Variants in CTNNA2 observed in about 807,000 individuals in gnomAD.
CTNNA2 encodes catenin alpha 2.
In CTNNA2, 42 loss-of-function variants were observed where a neutral mutation model predicts 101.0. That is an observed-to-expected ratio of 0.42 (90% CI 0.32 to 0.54). The LOEUF (loss-of-function observed/expected upper bound fraction) is 0.54. Ranked by LOEUF, CTNNA2 falls within the 20% of genes least tolerant of loss-of-function variation. CTNNA2 has a pLI of 0.14. For missense variants in CTNNA2, 871 were observed against 1,223.1 expected (o/e 0.71, Z 4.29); for synonymous variants, 450 against 456.4 (o/e 0.99, Z 0.18).
chr2:80,303,551 T>C lies in CTNNA2; in HGVS notation c.1057-89660T>C. On this transcript the variant is annotated intron_variant, in intron 7 of 18. Transcript: ENST00000402739. This position sits in a 1 kb window ranked among gnomAD's most constrained non-coding sequence, Gnocchi z 7.7. ...GTGATCCAGATAGAGCCACGTGAGC[T>C]GCATTAACCCCGTGAACTGGCCGGC... 1 of 1,614,230 alleles carries C rather than the reference T, an allele frequency of 6.2e-7. No homozygotes were observed. Among genetic ancestry groups the C allele is most frequent in the Admixed American group, 1.7e-5 (1 of 60,032 alleles).
chr2:79,408,813 C>A (rs13008522), intron 4 of CTNNA2, among the ~76,000 whole-genome samples: 51,587 of 150,958 alleles, frequency 0.34, 8,874 homozygotes, highest in South Asian at 0.47. Context: ...GGGTATATAC[C>A]CAGTAATGGG....
chr2:80,381,274 A>G (rs1435421059), intron 7 of CTNNA2, among the ~76,000 whole-genome samples: 1 of 151,872 alleles, frequency 6.6e-6, no homozygotes, highest in Non-Finnish European at 1.5e-5. Flanking sequence ...CAAGCAAAAG[A>G]CAGCATAAGT....
chr2:79,797,431 C>T (rs944494756), intron 3 of CTNNA2, among the ~76,000 whole-genome samples: 14 of 151,848 alleles, frequency 9.2e-5, no homozygotes, highest in East Asian at 1.9e-4. Context: ...GAGGCCAAGG[C>T]GGGTGGATCA....
At chr2:79,202,617 C>T (rs1481387658) in intron 2 of CTNNA2, among the ~76,000 whole-genome samples, 1 of 152,182 alleles carries the variant, frequency 6.6e-6, no homozygotes, top group African/African-American at 2.4e-5. Flanking sequence ...GCTTCTGTCA[C>T]CATTTTCTTT....
chr2:79,222,719 G>T (rs1455367413), intron 2 of CTNNA2, among the ~76,000 whole-genome samples: 2 of 151,594 alleles, frequency 1.3e-5, no homozygotes, highest in African/African-American at 4.9e-5. Context: ...ATTATGGATT[G>T]AATATTTATG....
Position 79,386,932 on chromosome 2 carries a change from C to T in CTNNA2, c.-135+12919C>T, listed in dbSNP as rs116659737. 2.1e-3 allele frequency among the ~76,000 whole-genome samples: 327 copies of T among 152,252 alleles called. 2 individuals carry two copies. The highest frequency in any genetic ancestry group is 7.3e-3 in the African/African-American group (305 of 41,540). On this transcript the variant is annotated intron_variant, in intron 4 of 21. Coordinates refer to the CTNNA2 transcript ENST00000466387. The stretch of plus-strand genomic sequence containing the variant: ...CATTTATTCACATTGTCAACCTGCC[C>T]CCACCCATGGTACTGAGGCCACTGA...
At chr2:80,564,064 A>G (rs1693839723) in intron 12 of CTNNA2, among the ~76,000 whole-genome samples, 1 of 152,208 alleles carries the variant, frequency 6.6e-6, no homozygotes, top group Admixed American at 6.6e-5. Flanking sequence ...TAAATGAGTA[A>G]CATAATGACA....
At chr2:79,473,018 T>A (rs1671015774) in intron 4 of CTNNA2, among the ~76,000 whole-genome samples, 1 of 152,188 alleles carries the variant, frequency 6.6e-6, no homozygotes, top group African/African-American at 2.4e-5. Context: ...TAGCTTCCAA[T>A]AATAATGTCA....
intron 2 of CTNNA2, among the ~76,000 whole-genome samples, chr2:79,693,270 G>T (rs997874550): frequency 6.6e-6 from 1 of 151,356 alleles, no homozygotes; most frequent in African/African-American, 2.4e-5. Context: ...AGTGGATGAG[G>T]CATTCTTTTA....
At chr2:79,324,461 G>A (rs1347309) in intron 3 of CTNNA2, among the ~76,000 whole-genome samples, 16,640 of 152,114 alleles carry the variant, frequency 0.11, 1,085 homozygotes, top group Middle Eastern at 0.21. Context: ...TTTGGGTGTG[G>A]ACTTAACCAC....
chr2:80,624,131 C>A (rs765486677), intron 18 of CTNNA2, among the ~76,000 whole-genome samples: 1 of 151,858 alleles, frequency 6.6e-6, no homozygotes, highest in Non-Finnish European at 1.5e-5. Context: ...TCTACATCTT[C>A]CAAGTTGTGC....
chr2:80,631,038 C>A (rs145954234), intron 18 of CTNNA2, among the ~76,000 whole-genome samples: 6 of 152,252 alleles, frequency 3.9e-5, no homozygotes, highest in African/African-American at 1.2e-4. Flanking sequence ...TTTTTCCTGG[C>A]ATTTTTTAAT....
rs148230029 is a variant in CTNNA2 at position 80,309,051 on chromosome 2, T to C, written c.1057-84160T>C. ...TTGCAGTGAGCCGAGATCACGCCACTGCATTCCAGCCTGGACAACAGAGTG... is the reference window on the plus strand; with the variant it reads ...TTGCAGTGAGCCGAGATCACGCCACCGCATTCCAGCCTGGACAACAGAGTG... On this transcript the variant is annotated intron_variant, in intron 7 of 18. Transcript: ENST00000402739. Among the ~76,000 whole-genome samples the C allele has an allele frequency of 5.3e-3, 801 of 151,746 alleles. 8 individuals are homozygous for C. The highest frequency in any genetic ancestry group is 0.018 in the African/African-American group (752 of 41,324).
In CTNNA2 at chr2:80,303,464, G is replaced by A; in HGVS notation, c.1057-89747G>A. On this transcript the variant is annotated intron_variant, in intron 7 of 18. Transcript: ENST00000402739. The surrounding 1 kb of genome is among the most constrained non-coding windows in gnomAD (Gnocchi z 7.7). ...TTGGGTGATCTGGTTGGAACTCAGCGTGAGTTCCTTAACTCGGCGCAGTTT... is the reference window on the plus strand; with the variant it reads ...TTGGGTGATCTGGTTGGAACTCAGCATGAGTTCCTTAACTCGGCGCAGTTT... 1 of 1,614,230 alleles carries A rather than the reference G, an allele frequency of 6.2e-7. No homozygotes were observed. The highest frequency in any genetic ancestry group is 8.5e-7 in the Non-Finnish European group (1 of 1,180,050).
At chr2:80,483,582 G>A (rs1215247623) in intron 9 of CTNNA2, among the ~76,000 whole-genome samples, 1 of 151,982 alleles carries the variant, frequency 6.6e-6, no homozygotes, top group Non-Finnish European at 1.5e-5. Context: ...AGGGGTGCAA[G>A]TAAACAGAGA....
chr2:79,982,340 A>ATGTAACC (rs1491564195), intron 7 of CTNNA2, among the ~76,000 whole-genome samples: 22 of 102,054 alleles, frequency 2.2e-4, no homozygotes, highest in African/African-American at 7.2e-4. Context: ...CATATAAAAC[A>ATGTAACC]TATATAACCT....
At chr2:80,448,645 A>T (rs534588289) in intron 9 of CTNNA2, among the ~76,000 whole-genome samples, 2 of 152,190 alleles carry the variant, frequency 1.3e-5, no homozygotes, top group African/African-American at 4.8e-5. Flanking sequence ...CACTATTTGC[A>T]TAAGTCTCCT....
intron 2 of CTNNA2, among the ~76,000 whole-genome samples, chr2:79,720,275 G>T (rs185112932): frequency 7.9e-5 from 12 of 151,982 alleles, no homozygotes; most frequent in Admixed American, 5.2e-4. Flanking sequence ...TACCAGTACC[G>T]TGCTGGTTTG....
At chr2:80,049,365 C>T (rs900671272) in intron 7 of CTNNA2, among the ~76,000 whole-genome samples, 1 of 152,134 alleles carries the variant, frequency 6.6e-6, no homozygotes, top group African/African-American at 2.4e-5. Context: ...CCCCATACCC[C>T]ATAGGGATGT....
Sources: allele counts gnomAD v4.1 joint callset (sites outside exome capture counted in the v4.1 genomes callset), GRCh38; gene constraint gnomAD v4.1.1; non-coding constraint Gnocchi (gnomAD v3.1); transcripts MANE v1.5; gene names NCBI Gene and HGNC (gene_info 2026-07-23, HGNC 2026-07-21).